The following MCHR2 variants were observed in gnomAD, a reference collection of about 807,000 sequenced individuals.
MCHR2 encodes melanin-concentrating hormone receptor 2.
A neutral mutation model predicts 24.8 loss-of-function variants in MCHR2; 15 were observed. The observed-to-expected ratio is 0.60, with a 90% confidence interval of 0.40 to 0.93. The LOEUF (loss-of-function observed/expected upper bound fraction) is 0.93, where lower values mean the gene tolerates loss of function less well. MCHR2 is among the 40% of genes least tolerant of loss of function. The pLI is 0.00. For missense variants in MCHR2, 386 were observed against 408.7 expected (o/e 0.94, Z 0.48); for synonymous variants, 151 against 147.6 (o/e 1.02, Z -0.17).
chr6:99,948,093 C>G (rs1038045066), intron 2 of MCHR2, 122 bp from the exon 3 acceptor site: 12 of 768,158 alleles, frequency 1.6e-5, no homozygotes, highest in Non-Finnish European at 2.3e-5. Context: ...AAAACCTATA[C>G]AGATGCATAG....
chr6:99,935,740 G>A (rs929324433), intron 4 of MCHR2, among the ~76,000 whole-genome samples: 14 of 151,786 alleles, frequency 9.2e-5, no homozygotes, highest in African/African-American at 3.1e-4. Context: ...TGGAACTGTC[G>A]GATCATATGG....
Position 99,954,457 on chromosome 6 carries a change from AAC to A in MCHR2, c.182+1507_182+1508del, listed in dbSNP as rs1775021870. Among the ~76,000 whole-genome samples the A allele has an allele frequency of 3.3e-5, 5 of 152,200 alleles. No homozygotes were observed. In the South Asian group the frequency reaches 6.2e-4, roughly 19 times the overall value. On this transcript the variant is annotated intron_variant, in intron 2 of 5. Transcript: ENST00000281806. ...AGGAATAACATGACCCTACAAGTGG[AAC>A]GGTCCACACCTGACCTCATGTGATG...
At chr6:99,928,296 CT>C (rs1439831908) in intron 5 of MCHR2, among the ~76,000 whole-genome samples, 1 of 152,146 alleles carries the variant, frequency 6.6e-6, no homozygotes, top group Non-Finnish European at 1.5e-5. Context: ...GTCTACAATT[CT>C]CTTTTTTGGT....
chr6:99,943,579 T>C (rs2114522633), intron 3 of MCHR2, among the ~76,000 whole-genome samples: 1 of 151,822 alleles, frequency 6.6e-6, no homozygotes, highest in African/African-American at 2.4e-5. Context: ...AGTGAGAACA[T>C]GCGGTGTTTG....
At chr6:99,976,406 T>G (rs974908061) in intron 1 of MCHR2, among the ~76,000 whole-genome samples, 2 of 152,230 alleles carry the variant, frequency 1.3e-5, no homozygotes, top group African/African-American at 4.8e-5. Context: ...GCACCAATTA[T>G]GTGCAGCTTT....
rs190677329 is a variant in MCHR2 at position 99,940,212 on chromosome 6, C to G, written c.587+2737G>C. On this transcript the variant is annotated intron_variant, in intron 4 of 5. Coordinates refer to ENST00000281806, the MANE Select transcript of MCHR2 (RefSeq NM_001040179.2). ...GCTTGCTCAACTCCCTCTTGAACAC[C>G]GATAAGTCTTAGATTTGGTCTTTTG... Among the ~76,000 whole-genome samples, 68 of 151,870 alleles carry G rather than the reference C, an allele frequency of 4.5e-4. 1 individual carries two copies. Among genetic ancestry groups the G allele is most frequent in the Middle Eastern group, 3.4e-3 (1 of 292 alleles).
At chr6:99,989,461 A>G (rs1048968519) in intron 1 of MCHR2, among the ~76,000 whole-genome samples, 2 of 152,196 alleles carry the variant, frequency 1.3e-5, no homozygotes, top group African/African-American at 4.8e-5. Context: ...CAAAGAGAAT[A>G]CTGAGGCTAA....
intron 2 of MCHR2, 50 bp downstream of exon 2, chr6:99,955,916 A>C: frequency 7.2e-7 from 1 of 1,396,844 alleles, no homozygotes; most frequent in Non-Finnish European, 9.4e-7. Context: ...CTTTGACTGT[A>C]GTTTCCTAAA....
In MCHR2 at chr6:99,956,149, G is replaced by T. The variant is rs1410735309; in HGVS notation, c.-2C>A. Reference sequence around the variant, plus strand: ...ACAAGATGCATGAAATGGATTCATTGTTCGTGGACTTTCCAGGGATTAAAG... The same window carrying T: ...ACAAGATGCATGAAATGGATTCATTTTTCGTGGACTTTCCAGGGATTAAAG... On this transcript the variant is annotated 5_prime_UTR_variant, in exon 2 of 6. Transcript: ENST00000281806. 6.2e-7 allele frequency: 1 copy of T among 1,606,712 alleles called. No individual in the cohort carries two copies. The highest frequency in any genetic ancestry group is 2.2e-5 in the East Asian group (1 of 44,692).
intron 1 of MCHR2, among the ~76,000 whole-genome samples, chr6:99,987,821 T>C (rs1256871253): frequency 6.6e-6 from 1 of 152,224 alleles, no homozygotes; most frequent in African/African-American, 2.4e-5. Context: ...AACACTGTTT[T>C]AAAATTTTTC....
chr6:99,941,678 G>A (rs1359477069), intron 4 of MCHR2, among the ~76,000 whole-genome samples: 2 of 152,142 alleles, frequency 1.3e-5, no homozygotes. Context: ...TTGGCAGACT[G>A]CAACCTGGAA....
chr6:99,932,046 T>G (rs1774556300), intron 5 of MCHR2, among the ~76,000 whole-genome samples: 2 of 152,160 alleles, frequency 1.3e-5, no homozygotes, highest in African/African-American at 4.8e-5. Flanking sequence ...GTAAGACAGG[T>G]CTAGTGTTGA....
intron 5 of MCHR2, among the ~76,000 whole-genome samples, chr6:99,921,739 A>G (rs1290339865): frequency 1.3e-5 from 2 of 152,136 alleles, no homozygotes; most frequent in Non-Finnish European, 2.9e-5. Flanking sequence ...ATTTTTTAAT[A>G]CCCATTAACC....
intron 1 of MCHR2, among the ~76,000 whole-genome samples, chr6:99,978,183 T>C (rs1461348191): frequency 6.6e-6 from 1 of 152,208 alleles, no homozygotes; most frequent in Non-Finnish European, 1.5e-5. Context: ...TCCAGGGAGA[T>C]GCCCCACCTC....
intron 1 of MCHR2, among the ~76,000 whole-genome samples, chr6:99,973,657 G>A (rs1328165009): frequency 6.6e-6 from 1 of 152,178 alleles, no homozygotes; most frequent in Admixed American, 6.5e-5. Context: ...TCCTAGCCTT[G>A]ATGGTCTTTA....
intron 1 of MCHR2, 83 bp downstream of exon 1, chr6:99,993,853 C>G (rs1446215570): frequency 1.3e-5 from 2 of 151,956 alleles, no homozygotes; most frequent in Admixed American, 6.6e-5. Flanking sequence ...AGGCGCCAGA[C>G]CTTCCCGGGC....
intron 5 of MCHR2, among the ~76,000 whole-genome samples, chr6:99,922,833 T>C (rs1407193413): frequency 6.6e-6 from 1 of 152,152 alleles, no homozygotes; most frequent in Non-Finnish European, 1.5e-5. Context: ...ATGATTCCTC[T>C]AGTTTTATTC....
chr6:99,989,490 C>T (rs1775828328), intron 1 of MCHR2, among the ~76,000 whole-genome samples: 1 of 152,128 alleles, frequency 6.6e-6, no homozygotes, highest in Admixed American at 6.6e-5. Context: ...GGATATTGCT[C>T]AGGTTCCTCT....
chr6:99,978,994 G>A (rs535514837), intron 1 of MCHR2, among the ~76,000 whole-genome samples: 1 of 152,324 alleles, frequency 6.6e-6, no homozygotes, highest in South Asian at 2.1e-4. Flanking sequence ...TGGCTGTGCA[G>A]GTTGCGTACT....
Sources: gnomAD v4.1 joint callset for allele counts (sites outside exome capture counted in the v4.1 genomes callset) on GRCh38, gnomAD v4.1.1 for gene constraint, MANE v1.5 for transcripts, NCBI Gene and HGNC (gene_info 2026-07-23, HGNC 2026-07-21) for gene names.